CD244: variants seen among roughly 807,000 people sequenced by gnomAD.
CD244 encodes the protein natural killer cell receptor 2B4.
Under a neutral mutation model 45.5 loss-of-function variants are expected in CD244, and 20 were observed. The ratio of observed to expected loss-of-function variants is 0.44; its 90% CI spans 0.31 to 0.64. CD244 has a LOEUF of 0.64. Ranked by LOEUF, CD244 falls within the 30% of genes least tolerant of loss-of-function variation. The probability of loss-of-function intolerance (pLI) is 0.08; values close to 1 mark genes in which losing one functional copy is unlikely to be tolerated. For missense variants in CD244, 407 were observed against 426.9 expected, an observed-to-expected ratio of 0.95 and a Z score of 0.41; for synonymous variants, 185 against 160.5, an observed-to-expected ratio of 1.15 and a Z score of -1.15.
At chr1:160,859,389 C>T (rs1557846819) in intron 1 of CD244, among the ~76,000 whole-genome samples, 1 of 152,180 alleles carries the variant, frequency 6.6e-6, no homozygotes, top group Non-Finnish European at 1.5e-5. Context: ...AAGAATTTCG[C>T]AATGCTCAAG....
At position 160,831,122 on chromosome 1, in the gene CD244, C is replaced by T; in HGVS notation, c.*225G>A. 1 of 463,430 alleles carries T rather than the reference C, an allele frequency of 2.2e-6. No homozygotes were observed. Among genetic ancestry groups the T allele is most frequent in the Non-Finnish European group, 3.9e-6 (1 of 258,384 alleles). 28.7% of individuals were successfully genotyped at this position (463,430 alleles called of 1,614,324 possible). ...GCCTTTTGTGAACAACCTAACCCCT[C>T]CACCCATTCATGTCTGATCTGTAAA... On this transcript the variant is annotated 3_prime_UTR_variant, in exon 9 of 9. Coordinates refer to ENST00000368034, the MANE Select transcript of CD244 (RefSeq NM_016382.4).
In CD244 at chr1:160,857,276, C is replaced by T. The variant is rs114322696; in HGVS notation, c.61+5341G>A. Reference sequence around the variant, plus strand: ...AGTTTGACAGCATCTGCTAGAGTTACGTACACATACTCCATGGTTCTGCCC... The same window carrying T: ...AGTTTGACAGCATCTGCTAGAGTTATGTACACATACTCCATGGTTCTGCCC... On this transcript the variant is annotated intron_variant, in intron 1 of 8. Transcript: ENST00000368034. Among the ~76,000 whole-genome samples, 1,052 of 152,296 alleles carry T rather than the reference C, an allele frequency of 6.9e-3. 9 individuals carry two copies. The highest frequency in any genetic ancestry group is 0.024 in the African/African-American group (984 of 41,554).
At chr1:160,832,870 G>GTATATATATATATATATATATA (rs1553194340) in intron 7 of CD244, among the ~76,000 whole-genome samples, 1 of 117,852 alleles carries the variant, frequency 8.5e-6, no homozygotes, top group African/African-American at 2.8e-5. Context: ...GTGTGTGTGT[G>GTATATATATATATATATATATA]TATATATATA....
chr1:160,836,366 G>T (rs148089020), intron 5 of CD244, 112 bp from the exon 6 acceptor site: 102 of 781,864 alleles, frequency 1.3e-4, no homozygotes, highest in Non-Finnish European at 2.2e-4. Context: ...GACTGGGAGG[G>T]AGGTGGCAGG....
intron 4 of CD244, 183 bp downstream of exon 4, chr1:160,838,756 G>A (rs1000612208): frequency 4.9e-6 from 3 of 615,440 alleles, no homozygotes; most frequent in Admixed American, 2.9e-5. Flanking sequence ...GGATCAGAAG[G>A]CATGAACTGG....
chr1:160,834,022 C>A (rs752133123), intron 7 of CD244, 29 bp downstream of exon 7: 3 of 1,533,200 alleles, frequency 2.0e-6, no homozygotes, highest in Non-Finnish European at 2.7e-6. Flanking sequence ...ATCAACAACA[C>A]CCCACCACCA....
Position 160,836,159 on chromosome 1 carries a change from T to C in CD244, c.894+36A>G, listed in dbSNP as rs373909944. On this transcript the variant is annotated intron_variant, in intron 6 of 8. Coordinates refer to ENST00000368034, the MANE Select transcript of CD244 (RefSeq NM_016382.4). ...GGGGGGCATTAGGAAACCCCAGAGA[T>C]AGGTATGGAATGGACTAGAGAAACT... 2.2e-5 allele frequency: 34 copies of C among 1,513,286 alleles called. No homozygotes were observed. The African/African-American group carries it at 3.4e-4, about 15-fold the overall frequency. The allele number at this position is 1,513,286 out of a possible 1,614,324, so 93.7% of individuals were successfully genotyped here. A position where few individuals can be genotyped will look rare whatever the true frequency, so the allele number is the denominator to read the frequency against.
Position 160,834,076 on chromosome 1 carries a change from T to C in CD244, c.935A>G (p.Tyr312Cys). The C allele has an allele frequency of 6.2e-7, 1 of 1,612,160 alleles. No individual in the cohort carries two copies. The highest frequency in any genetic ancestry group is 8.5e-7 in the Non-Finnish European group (1 of 1,178,210). The change falls in exon 7 of 9, where the codon TAT becomes TGT. Residue 312 changes from tyrosine (Y) to cysteine (C), a missense_variant. Physicochemically the swap from Tyr to Cys is radical, Grantham distance 194 (BLOSUM62 -2). Transcript: ENST00000368034. ...PTSQEPAYTL[Y>C]SLIQPSRKSG... is the part of the protein sequence containing the mutation. ...CTTCCTGGAAGGCTGAATTAATGAA[T>C]ATAATGTATATGCAGGTTCTTGTGA...
chr1:160,832,889 C>T (rs71517283), intron 7 of CD244, among the ~76,000 whole-genome samples: 72,901 of 139,870 alleles, frequency 0.52, 19,619 homozygotes, highest in Middle Eastern at 0.63. Flanking sequence ...TATATATATA[C>T]ACACACACAT....
chr1:160,862,747 A>T lies in CD244; in HGVS notation c.-70T>A. The stretch of plus-strand genomic sequence containing the variant: ...ACTCTCTGCCGTGCACGGGCTCAGC[A>T]GTCCCCAGTCAGCAAGAGGACGATG... On this transcript the variant is annotated 5_prime_UTR_variant, in exon 1 of 9. Transcript: ENST00000368034. The T allele has an allele frequency of 2.8e-6, 4 of 1,416,282 alleles. No homozygotes were observed. Among genetic ancestry groups the T allele is most frequent in the Non-Finnish European group, 4.0e-6 (4 of 1,011,428 alleles). 87.7% of individuals were successfully genotyped at this position (1,416,282 alleles called of 1,614,324 possible). A position where few individuals can be genotyped will look rare whatever the true frequency, so the allele number is the denominator to read the frequency against.
chr1:160,862,213 C>T (rs1670335327), intron 1 of CD244, among the ~76,000 whole-genome samples: 1 of 152,220 alleles, frequency 6.6e-6, no homozygotes, highest in South Asian at 2.1e-4. Flanking sequence ...CTCAGGGGTC[C>T]ATCCATCTGT....
Position 160,836,205 on chromosome 1 carries a change from A to C in CD244, c.884T>G (p.Ile295Ser), listed in dbSNP as rs1242730896. Residue 295 changes from isoleucine (I) to serine (S), a missense_variant, in exon 6 of 9, where the codon ATC (isoleucine) becomes AGC (serine). By Grantham distance (142) the Ile-to-Ser change is moderately radical. Transcript: ENST00000368034. ...AAACTGGAGAGGTACCTGGGACTGG[A>C]TCATAGAGTAGATGGTGCTCCCCCC... ...PGGGSTIYSM[I>S]QSQSSAPTSQ... The C allele has an allele frequency of 1.9e-5, 30 of 1,613,520 alleles. No individual in the cohort carries two copies. Among genetic ancestry groups the C allele is most frequent in the Non-Finnish European group, 2.5e-5 (29 of 1,179,544 alleles).
intron 1 of CD244, among the ~76,000 whole-genome samples, chr1:160,849,908 A>G (rs964005945): frequency 1.3e-5 from 2 of 152,086 alleles, no homozygotes; most frequent in Non-Finnish European, 2.9e-5. Flanking sequence ...GCTACTCGGG[A>G]GGCTGAGGCA....
At chr1:160,836,927 T>A (rs1669354838) in intron 5 of CD244, among the ~76,000 whole-genome samples, 1 of 152,188 alleles carries the variant, frequency 6.6e-6, no homozygotes, top group Non-Finnish European at 1.5e-5. Flanking sequence ...AAGAAGAAGC[T>A]AAGAGAAGCA....
At chr1:160,838,599 C>G in intron 4 of CD244, 81 bp from the exon 5 acceptor site, 2 of 946,444 alleles carry the variant, frequency 2.1e-6, no homozygotes, top group Non-Finnish European at 3.5e-6. Flanking sequence ...CACCTCTACC[C>G]CAAATGGCCA....
rs564725344 is a variant in CD244 at position 160,841,605 on chromosome 1, T to C, written c.358A>G (p.Thr120Ala). 1.2e-6 allele frequency: 2 copies of C among 1,614,114 alleles called. No homozygotes were observed. Among genetic ancestry groups the C allele is most frequent in the African/African-American group, 1.3e-5 (1 of 75,020 alleles). The change falls in exon 2 of 9, where the codon ACG (threonine) becomes GCG (alanine). Residue 120 changes from threonine (T) to alanine (A), a missense_variant. By Grantham distance (58) the Thr-to-Ala change is moderately conservative. Coordinates refer to ENST00000368034, the MANE Select transcript of CD244 (RefSeq NM_016382.4). ...TSISGKVQTA[T>A]FQVFVFDKVE... ...TTACCAAATACAAAAACCTGGAACG[T>C]GGCTGTCTGAACTTTTCCAGATATA...
chr1:160,838,260 CT>C (rs1669400713), intron 5 of CD244, among the ~76,000 whole-genome samples, 190 bp downstream of exon 5: 1 of 152,204 alleles, frequency 6.6e-6, no homozygotes, highest in Non-Finnish European at 1.5e-5. Flanking sequence ...TCCTCTGCTC[CT>C]TTTGTTTCCT....
chr1:160,841,994 G>T, intron 1 of CD244, 93 bp from the exon 2 acceptor site: 1 of 992,562 alleles, frequency 1.0e-6, no homozygotes, highest in African/African-American at 1.6e-5. Context: ...AGCCAATTGG[G>T]TGGGGATGAG....
At chr1:160,840,895 C>T (rs1669517569) in intron 3 of CD244, among the ~76,000 whole-genome samples, 2 of 152,200 alleles carry the variant, frequency 1.3e-5, no homozygotes, top group Admixed American at 6.5e-5. Context: ...TCTCCATCAG[C>T]CTCTCCCAGG....
Sources: gnomAD v4.1 joint callset for allele counts (sites outside exome capture counted in the v4.1 genomes callset) on GRCh38, gnomAD v4.1.1 for gene constraint, MANE v1.5 for transcripts, NCBI Gene and HGNC (gene_info 2026-07-23, HGNC 2026-07-21) for gene names.